The following PTPN22 variants were observed in gnomAD, a reference collection of about 807,000 sequenced individuals.
The protein encoded by PTPN22 is protein tyrosine phosphatase non-receptor type 22.
Under a neutral mutation model 103.3 loss-of-function variants are expected in PTPN22, and 85 were observed. The observed-to-expected ratio is 0.82, with a 90% CI of 0.69 to 0.99. The LOEUF is 0.99. PTPN22 is among the 50% of genes least tolerant of loss of function. The pLI is 0.00. For synonymous variants in PTPN22, 323 were observed against 310.2 expected (o/e 1.04, Z -0.43); for missense variants, 865 against 936.9 (o/e 0.92, Z 1.00).
At chr1:113,838,016 C>T (rs781451605) in exon 13 of PTPN22, 2 of 1,613,906 alleles carry the variant, frequency 1.2e-6, no homozygotes, top group African/African-American at 1.3e-5. Context: ...CTGTCCACCT[C>T]CTTGGTTTCT....
chr1:113,842,856 C>T lies in PTPN22; in HGVS notation c.916-4236G>A, dbSNP rs570173907. ...GTGGCTCACGCCTGTAATCCCAGCA[C>T]TTTGGGAGGCCGAGGCGGGCGGATC... On this transcript the variant is annotated intron_variant, in intron 11 of 20. Coordinates refer to ENST00000359785, the Ensembl canonical transcript of PTPN22. Among the ~76,000 whole-genome samples, 7 of 151,488 alleles carry T rather than the reference C, an allele frequency of 4.6e-5. No individual in the cohort carries two copies. The East Asian group carries it at 1.2e-3, about 25-fold the overall frequency.
intron 20 of PTPN22, among the ~76,000 whole-genome samples, chr1:113,817,487 G>C (rs1010778563): frequency 1.3e-5 from 2 of 152,118 alleles, no homozygotes; most frequent in East Asian, 1.9e-4. Context: ...GCCCAGGCTA[G>C]AGTGCAGTGG....
At chr1:113,845,114 C>T (rs773362069) in intron 11 of PTPN22, among the ~76,000 whole-genome samples, 4 of 152,060 alleles carry the variant, frequency 2.6e-5, no homozygotes, top group Non-Finnish European at 4.4e-5. Flanking sequence ...CCACCATGCC[C>T]GGTCTCTGTT....
chr1:113,862,564 A>G (rs1665708899), intron 1 of PTPN22, among the ~76,000 whole-genome samples: 2 of 152,192 alleles, frequency 1.3e-5, no homozygotes, highest in African/African-American at 4.8e-5. Flanking sequence ...AATAAAATAA[A>G]GTCACTCCCA....
chr1:113,832,477 CTGTTG>C (rs1421357678), intron 16 of PTPN22, among the ~76,000 whole-genome samples: 1 of 152,046 alleles, frequency 6.6e-6, no homozygotes, highest in Non-Finnish European at 1.5e-5. Flanking sequence ...TGCGCCTGGC[CTGTTG>C]TCATGTTTTT....
chr1:113,845,919 A>G (rs2102022048), intron 11 of PTPN22, among the ~76,000 whole-genome samples: 1 of 152,286 alleles, frequency 6.6e-6, no homozygotes, highest in African/African-American at 2.4e-5. Flanking sequence ...AGTCTACTTT[A>G]TCTGATATTA....
At chr1:113,838,148 C>T (rs774212201) in exon 13 of PTPN22, 1 of 1,614,058 alleles carries the variant, frequency 6.2e-7, no homozygotes, top group South Asian at 1.1e-5. Flanking sequence ...AAAAGAGAGC[C>T]CAAATCCAAA....
chr1:113,819,965 G>T (rs369878791), intron 19 of PTPN22: 50 of 158,104 alleles, frequency 3.2e-4, no homozygotes, highest in Middle Eastern at 2.8e-3. Context: ...TTTTTTTTTT[G>T]AAATTCACAT....
chr1:113,871,757 T>A, upstream of PTPN22: 1 of 721,868 alleles, frequency 1.4e-6, no homozygotes, highest in Non-Finnish European at 2.4e-6. Flanking sequence ...GTTTACTGAC[T>A]TCATCACAAG....
At chr1:113,869,919 C>A (rs1198825424) in intron 1 of PTPN22, among the ~76,000 whole-genome samples, 2 of 152,178 alleles carry the variant, frequency 1.3e-5, no homozygotes, top group African/African-American at 4.8e-5. Context: ...GCACATTTTT[C>A]ATAGTACCAC....
At chr1:113,818,778 A>G (rs1661360245) in intron 20 of PTPN22, among the ~76,000 whole-genome samples, 1 of 152,232 alleles carries the variant, frequency 6.6e-6, no homozygotes, top group African/African-American at 2.4e-5. Context: ...TTTCCAGGCC[A>G]GTGCCTTTGA....
chr1:113,841,306 C>T (rs1663526465), intron 11 of PTPN22, among the ~76,000 whole-genome samples: 1 of 151,746 alleles, frequency 6.6e-6, no homozygotes, highest in Non-Finnish European at 1.5e-5. Flanking sequence ...GATCAAATAC[C>T]TAAACATAAG....
chr1:113,815,904 C>A (rs1661109587), intron 20 of PTPN22, among the ~76,000 whole-genome samples: 1 of 152,166 alleles, frequency 6.6e-6, no homozygotes, highest in African/African-American at 2.4e-5. Context: ...GTCTCAAACT[C>A]CTGACCTCAA....
Position 113,858,987 on chromosome 1 carries a change from T to C in PTPN22, c.273+15A>G, listed in dbSNP as rs1003592289. 13 of 1,610,992 alleles carry C rather than the reference T, an allele frequency of 8.1e-6. No homozygotes were observed. The Admixed American group carries it at 1.9e-4, about 23-fold the overall frequency. ...CTAGAGAAATATGGAATGCTTTTAT[T>C]TTCTTTCACTGTACCTTAATGAAGT... On this transcript the variant is annotated intron_variant, in intron 3 of 20. Coordinates refer to ENST00000359785, the Ensembl canonical transcript of PTPN22.
intron 19 of PTPN22, among the ~76,000 whole-genome samples, chr1:113,822,727 C>T (rs1465177655): frequency 2.6e-5 from 4 of 152,028 alleles, no homozygotes; most frequent in African/African-American, 9.7e-5. Flanking sequence ...TTTGGGAGGC[C>T]GAGGTGGGTG....
At chr1:113,857,773 T>C in exon 5 of PTPN22, 1 of 1,609,432 alleles carries the variant, frequency 6.2e-7, no homozygotes, top group Non-Finnish European at 8.5e-7. Context: ...GCCATAACAA[T>C]GATCTGGGGG....
intron 16 of PTPN22, among the ~76,000 whole-genome samples, chr1:113,830,412 C>G (rs1198180957): frequency 6.6e-6 from 1 of 152,000 alleles, no homozygotes; most frequent in Non-Finnish European, 1.5e-5. Flanking sequence ...ATGACCCACT[C>G]TCTTCAACAA....
Position 113,822,496 on chromosome 1 carries a change from T to C in PTPN22, c.2281+2646A>G, listed in dbSNP as rs760370907. Among the ~76,000 whole-genome samples, 11 of 152,300 alleles carry C rather than the reference T, an allele frequency of 7.2e-5. No homozygotes were observed. In the East Asian group the frequency reaches 1.9e-3, roughly 27 times the overall value. On this transcript the variant is annotated intron_variant, in intron 19 of 20. Coordinates refer to ENST00000359785, the Ensembl canonical transcript of PTPN22. ...TTTCCAGCTTCGCCTTACTCCTGTC[T>C]CCTCTTTACTTACTACCCTGCATCT...
chr1:113,871,540 A>T, exon 1 of PTPN22: 1 of 1,613,896 alleles, frequency 6.2e-7, no homozygotes, highest in South Asian at 1.1e-5. Context: ...GACTCACCAG[A>T]AATTCATTGG....
Sources: gnomAD v4.1 joint callset for allele counts (sites outside exome capture counted in the v4.1 genomes callset) on GRCh38, gnomAD v4.1.1 for gene constraint, MANE v1.5 for transcripts, NCBI Gene and HGNC (gene_info 2026-07-23, HGNC 2026-07-21) for gene names.